Variants in TMEM117 observed in about 807,000 individuals in gnomAD.
TMEM117 encodes transmembrane protein 117.
In TMEM117, 27 loss-of-function variants were observed where a neutral mutation model predicts 52.4. That is an observed-to-expected ratio of 0.51 (90% CI 0.38 to 0.71). The LOEUF is 0.71. TMEM117 is among the 30% of genes least tolerant of loss of function. The probability of loss-of-function intolerance (pLI) is 0.00; values close to 1 mark genes in which losing one functional copy is unlikely to be tolerated. For missense variants in TMEM117, 556 were observed against 630.5 expected (o/e 0.88, Z 1.26); for synonymous variants, 215 against 206.3 (o/e 1.04, Z -0.36).
intron 2 of TMEM117, among the ~76,000 whole-genome samples, chr12:43,879,678 A>G (rs779066113): frequency 5.3e-5 from 8 of 152,196 alleles, no homozygotes; most frequent in Non-Finnish European, 1.2e-4. Flanking sequence ...TACGTATTTC[A>G]TCAATGTACA....
At chr12:43,860,647 G>A (rs1943472905) in intron 2 of TMEM117, among the ~76,000 whole-genome samples, 1 of 152,124 alleles carries the variant, frequency 6.6e-6, no homozygotes, top group Non-Finnish European at 1.5e-5. Context: ...TGTGTTGAGA[G>A]TGTTTAGTGA....
chr12:43,993,535 T>C (rs1350621015), intron 3 of TMEM117, among the ~76,000 whole-genome samples: 1 of 151,976 alleles, frequency 6.6e-6, no homozygotes, highest in Non-Finnish European at 1.5e-5. Flanking sequence ...GGTTTGGGAT[T>C]GAGAGGAGAG....
intron 2 of TMEM117, among the ~76,000 whole-genome samples, chr12:43,896,981 A>G (rs189458146): frequency 1.3e-5 from 2 of 152,296 alleles, no homozygotes; most frequent in Admixed American, 6.5e-5. Flanking sequence ...TCATCATATA[A>G]ACTTCGAGAG....
intron 2 of TMEM117, among the ~76,000 whole-genome samples, chr12:43,942,610 C>T (rs1945061657): frequency 6.6e-6 from 1 of 151,932 alleles, no homozygotes; most frequent in Admixed American, 6.6e-5. Context: ...AACCAAATCT[C>T]CTCCCCGCTC....
intron 3 of TMEM117, among the ~76,000 whole-genome samples, chr12:44,052,652 C>G (rs144839009): frequency 6.6e-6 from 1 of 152,290 alleles, no homozygotes; most frequent in Non-Finnish European, 1.5e-5. Flanking sequence ...GACCCTCGGG[C>G]AGCATTTAAG....
At chr12:44,322,289 G>A (rs1240211425) in intron 6 of TMEM117, among the ~76,000 whole-genome samples, 1 of 152,076 alleles carries the variant, frequency 6.6e-6, no homozygotes, top group Admixed American at 6.6e-5. Flanking sequence ...GGATTCCTTA[G>A]GTCATAAAGT....
At chr12:43,867,756 A>G (rs1249615119) in intron 2 of TMEM117, among the ~76,000 whole-genome samples, 2 of 152,202 alleles carry the variant, frequency 1.3e-5, no homozygotes, top group Admixed American at 6.5e-5. Flanking sequence ...CAATAAAACA[A>G]TCATATACCT....
intron 3 of TMEM117, among the ~76,000 whole-genome samples, chr12:43,948,900 GAT>G (rs993989769): frequency 2.0e-5 from 3 of 152,144 alleles, no homozygotes; most frequent in Non-Finnish European, 4.4e-5. Context: ...ACAACTGATT[GAT>G]ACTGAGATGC....
intron 6 of TMEM117, among the ~76,000 whole-genome samples, chr12:44,367,260 A>C (rs557718868): frequency 7.9e-5 from 12 of 152,218 alleles, no homozygotes; most frequent in Admixed American, 7.9e-4. Context: ...AACCAACTCT[A>C]ATCAGGCCTT....
Position 44,388,279 on chromosome 12 carries a change from G to A in TMEM117, c.1152G>A (p.Arg384=), listed in dbSNP as rs1592735885. The part of the protein sequence containing the change: ...YVEGDMFLHS[R]FIGASLDVKC... ...AGGGAGACATGTTCTTACACAGCAG[G>A]TTCATAGGAGCCAGTCTTGATGTCA... The change falls in exon 8 of 8, where the codon AGG becomes AGA. Residue 384 remains arginine (R), a synonymous_variant. Coordinates refer to ENST00000266534, the MANE Select transcript of TMEM117 (RefSeq NM_032256.3). The A allele has an allele frequency of 1.2e-6, 2 of 1,613,560 alleles. No homozygotes were observed. Among genetic ancestry groups the A allele is most frequent in the African/African-American group, 1.3e-5 (1 of 74,976 alleles).
intron 5 of TMEM117, among the ~76,000 whole-genome samples, chr12:44,256,528 T>G (rs1950262319): frequency 1.3e-5 from 2 of 152,056 alleles, no homozygotes; most frequent in Admixed American, 1.3e-4. Context: ...ATATTTCATG[T>G]GAATTTTGAT....
intron 5 of TMEM117, among the ~76,000 whole-genome samples, chr12:44,254,966 T>C (rs946139669): frequency 1.3e-5 from 2 of 152,184 alleles, no homozygotes; most frequent in African/African-American, 4.8e-5. Context: ...GTTTCATCCA[T>C]GTCCCTAAAA....
At chr12:44,132,770 TCCA>T (rs1948434956) in intron 3 of TMEM117, among the ~76,000 whole-genome samples, 1 of 152,138 alleles carries the variant, frequency 6.6e-6, no homozygotes, top group Non-Finnish European at 1.5e-5. Context: ...AATTTCTCAC[TCCA>T]CCAAGTTTAT....
chr12:43,832,576 G>A (rs1043244929), upstream of TMEM117, among the ~76,000 whole-genome samples: 13 of 152,192 alleles, frequency 8.5e-5, no homozygotes, highest in Admixed American at 7.9e-4. Flanking sequence ...GTAGCAATTT[G>A]TATAACTTTA....
intron 2 of TMEM117, among the ~76,000 whole-genome samples, chr12:43,943,707 G>T (rs1329027205): frequency 2.0e-5 from 3 of 152,090 alleles, no homozygotes; most frequent in African/African-American, 7.2e-5. Context: ...TTATAACAGA[G>T]ACTTAATTTT....
chr12:43,937,736 T>G, intron 2 of TMEM117, among the ~76,000 whole-genome samples: 1 of 148,980 alleles, frequency 6.7e-6, no homozygotes, highest in Non-Finnish European at 1.5e-5. Context: ...TTGTATAGCC[T>G]TTTTTTTTAA....
At chr12:43,999,144 C>T (rs1467465037) in intron 3 of TMEM117, among the ~76,000 whole-genome samples, 2 of 152,160 alleles carry the variant, frequency 1.3e-5, no homozygotes, top group Non-Finnish European at 1.5e-5. Context: ...GAACATATAT[C>T]AATATTCCAG....
At chr12:43,912,507 T>TTATATTTATATATATATATATATATA (rs1555183815) in intron 2 of TMEM117, among the ~76,000 whole-genome samples, 1 of 132,086 alleles carries the variant, frequency 7.6e-6, no homozygotes, top group African/African-American at 4.0e-5. Context: ...TAATAATAAT[T>TTATATTTATATATATATATATATATA]TATATATATA....
intron 4 of TMEM117, among the ~76,000 whole-genome samples, chr12:44,160,839 G>A (rs897042213): frequency 2.0e-5 from 3 of 152,110 alleles, no homozygotes. Flanking sequence ...CTTGATCCGT[G>A]TTGATGATTT....
Sources: gnomAD v4.1 joint callset for allele counts (sites outside exome capture counted in the v4.1 genomes callset) on GRCh38, gnomAD v4.1.1 for gene constraint, MANE v1.5 for transcripts, NCBI Gene and HGNC (gene_info 2026-07-23, HGNC 2026-07-21) for gene names.